The following CRCP variants were observed in gnomAD, a reference collection of about 807,000 sequenced individuals.
The protein encoded by CRCP is DNA-directed RNA polymerase III subunit RPC9.
Under a neutral mutation model 18.5 loss-of-function variants are expected in CRCP, and 18 were observed. The ratio of observed to expected loss-of-function variants is 0.97; its 90% CI spans 0.67 to 1.44. CRCP has a LOEUF of 1.44. Among genes scored for constraint, CRCP ranks in the 40% most tolerant of loss-of-function variants. CRCP has a pLI of 0.00. For synonymous variants in CRCP, 53 were observed against 62.9 expected (o/e 0.84, Z 0.75); for missense variants, 130 against 176.4 (o/e 0.74, Z 1.49).
chr7:66,147,355 A>G (rs942521027), intron 5 of CRCP, among the ~76,000 whole-genome samples: 3 of 151,020 alleles, frequency 2.0e-5, no homozygotes, highest in African/African-American at 7.3e-5. Flanking sequence ...AAAAAAAAAA[A>G]AGAGTGCATG....
chr7:66,134,333 C>T lies in CRCP; in HGVS notation c.198C>T (p.Val66=). 6.2e-7 allele frequency: 1 copy of T among 1,608,586 alleles called. No individual in the cohort carries two copies. The highest frequency in any genetic ancestry group is 8.5e-7 in the Non-Finnish European group (1 of 1,178,190). Residue 66 remains valine (V), a synonymous_variant, in exon 4 of 6, where the codon GTC becomes GTT. Transcript: ENST00000395326. ...TPCRHQSPEI[V]REFLTALKSH... ...GCAGGCACCAGAGTCCTGAAATTGTCAGAGAATTTCTCACAGCATTGAAAA... is the reference window on the plus strand; with the variant it reads ...GCAGGCACCAGAGTCCTGAAATTGTTAGAGAATTTCTCACAGCATTGAAAA...
rs574596891 is a variant in CRCP at position 66,126,262 on chromosome 7, G to A, written c.9-1442G>A. On this transcript the variant is annotated intron_variant, in intron 1 of 5. Coordinates refer to ENST00000395326, the MANE Select transcript of CRCP (RefSeq NM_014478.5). ...TTAGTTTTGCTTTATTTATTGACTC[G>A]GAAGTCACCTATCTGGCCCATGCTT... Among the ~76,000 whole-genome samples, 32 of 149,040 alleles carry A rather than the reference G, an allele frequency of 2.1e-4. 2 individuals carry two copies. The highest frequency in any genetic ancestry group is 9.4e-4 in the Admixed American group (14 of 14,840).
chr7:66,123,103 C>A (rs1197339349), intron 1 of CRCP, among the ~76,000 whole-genome samples: 2 of 151,936 alleles, frequency 1.3e-5, no homozygotes, highest in South Asian at 2.1e-4. Context: ...TACAGGCGCC[C>A]GCCACTACGC....
chr7:66,121,600 C>T (rs1344737782), intron 1 of CRCP, among the ~76,000 whole-genome samples: 3 of 152,068 alleles, frequency 2.0e-5, no homozygotes, highest in Non-Finnish European at 4.4e-5. Context: ...GCTGGGACTA[C>T]AGGCATGCGC....
intron 3 of CRCP, among the ~76,000 whole-genome samples, chr7:66,133,837 AT>A (rs908623632): frequency 2.2e-5 from 3 of 136,626 alleles, no homozygotes; most frequent in Non-Finnish European, 4.7e-5. Flanking sequence ...TTTATACAGG[AT>A]TTTTTTTCTT....
At chr7:66,119,230 G>A (rs141689915) in intron 1 of CRCP, among the ~76,000 whole-genome samples, 3 of 152,318 alleles carry the variant, frequency 2.0e-5, no homozygotes, top group African/African-American at 4.8e-5. Context: ...AAACGCCCAA[G>A]AGAACTTCTG....
chr7:66,130,055 A>C, intron 2 of CRCP: 1 of 310,328 alleles, frequency 3.2e-6, no homozygotes, highest in South Asian at 2.5e-5. Flanking sequence ...TTTTCCAGAA[A>C]GAAATTATTA....
chr7:66,149,674 A>G (rs936824546), intron 5 of CRCP, among the ~76,000 whole-genome samples: 3 of 152,176 alleles, frequency 2.0e-5, no homozygotes, highest in Admixed American at 2.0e-4. Context: ...GTTCCCAGTC[A>G]CAGGAAGAAA....
chr7:66,121,433 A>G (rs1208614114), intron 1 of CRCP, among the ~76,000 whole-genome samples: 1 of 152,060 alleles, frequency 6.6e-6, no homozygotes, highest in Non-Finnish European at 1.5e-5. Context: ...ATTACTTGGA[A>G]ATGTATTTTC....
At position 66,125,069 on chromosome 7, in the gene CRCP, A is replaced by T. The variant is rs1787580442; in HGVS notation, c.9-2635A>T. Reference sequence around the variant, plus strand: ...TTGATATTTGAAGAGTCTAAATTTAACCCAGTTGTTTTGAAGACTGTTCCT... The same window carrying T: ...TTGATATTTGAAGAGTCTAAATTTATCCCAGTTGTTTTGAAGACTGTTCCT... On this transcript the variant is annotated intron_variant, in intron 1 of 5. Coordinates refer to ENST00000395326, the MANE Select transcript of CRCP (RefSeq NM_014478.5). Among the ~76,000 whole-genome samples, 2 of 149,136 alleles carry T rather than the reference A, an allele frequency of 1.3e-5. 1 individual carries two copies. Among genetic ancestry groups the T allele is most frequent in the Admixed American group, 1.3e-4 (2 of 14,918 alleles).
At chr7:66,127,812 G>A in intron 2 of CRCP, 72 bp downstream of exon 2, 2 of 1,546,046 alleles carry the variant, frequency 1.3e-6, no homozygotes, top group East Asian at 2.2e-5. Flanking sequence ...ATTGATTTTG[G>A]TTAGAAATGA....
At chr7:66,127,800 A>T (rs1028672537) in intron 2 of CRCP, 60 bp downstream of exon 2, 4 of 1,577,324 alleles carry the variant, frequency 2.5e-6, no homozygotes, top group Non-Finnish European at 3.5e-6. Context: ...TGAGATTGTT[A>T]AATTGATTTT....
At chr7:66,141,340 C>T (rs1390459865) in intron 4 of CRCP, among the ~76,000 whole-genome samples, 1 of 152,068 alleles carries the variant, frequency 6.6e-6, no homozygotes, top group African/African-American at 2.4e-5. Flanking sequence ...TTTTCATAGT[C>T]ATTAACCACG....
intron 5 of CRCP, 106 bp from the exon 6 acceptor site, chr7:66,152,102 G>A: frequency 1.6e-6 from 2 of 1,286,584 alleles, no homozygotes; most frequent in South Asian, 1.4e-5. Flanking sequence ...AGGCTGTGAG[G>A]TCTGTGTGCC....
chr7:66,151,673 CTGTGTGTGTGTGTGTG>C (rs1223890806), intron 5 of CRCP, among the ~76,000 whole-genome samples: 47 of 138,586 alleles, frequency 3.4e-4, no homozygotes, highest in Middle Eastern at 3.9e-3. Flanking sequence ...CCACTTCTCT[CTGTGTGTGTGTGTGTG>C]TGTGTGTGTG....
chr7:66,148,291 G>A (rs796395089), intron 5 of CRCP, among the ~76,000 whole-genome samples: 41 of 152,258 alleles, frequency 2.7e-4, no homozygotes, highest in African/African-American at 9.1e-4. Context: ...GAACCTGGGA[G>A]GCGGAAGTTG....
chr7:66,125,735 A>G (rs576492218), intron 1 of CRCP, among the ~76,000 whole-genome samples: 1 of 149,612 alleles, frequency 6.7e-6, no homozygotes, highest in Admixed American at 6.7e-5. Context: ...AATATTCTGA[A>G]TGACAGAGAA....
At chr7:66,139,841 A>G (rs1448770773) in intron 4 of CRCP, among the ~76,000 whole-genome samples, 1 of 152,058 alleles carries the variant, frequency 6.6e-6, no homozygotes. Flanking sequence ...GTTGATTGAT[A>G]CTCAAATTTG....
At chr7:66,130,950 A>G in intron 3 of CRCP, 108 bp downstream of exon 3, 1 of 698,854 alleles carries the variant, frequency 1.4e-6, no homozygotes, top group Non-Finnish European at 2.6e-6. Context: ...TATGATCTGA[A>G]TGTTTTATTC....
Sources: allele counts gnomAD v4.1 joint callset (sites outside exome capture counted in the v4.1 genomes callset), GRCh38; gene constraint gnomAD v4.1.1; transcripts MANE v1.5; gene names NCBI Gene and HGNC (gene_info 2026-07-23, HGNC 2026-07-21).